The following VPS13C variants were observed in gnomAD, a reference collection of about 807,000 sequenced individuals.
The protein encoded by VPS13C is intermembrane lipid transfer protein VPS13C.
In VPS13C, 358 loss-of-function variants were observed where a neutral mutation model predicts 456.8. The observed-to-expected ratio is 0.78, with a 90% CI of 0.72 to 0.86. The LOEUF is 0.86. VPS13C is among the 40% of genes least tolerant of loss of function. The pLI is 0.00. For missense variants in VPS13C, 4,818 were observed against 4,385.4 expected (o/e 1.10, Z -2.79); for synonymous variants, 1,578 against 1,486.7 (o/e 1.06, Z -1.41).
chr15:62,016,379 G>A (rs936916942), intron 9 of VPS13C, among the ~76,000 whole-genome samples: 13 of 151,498 alleles, frequency 8.6e-5, no homozygotes, highest in East Asian at 1.9e-4. Context: ...CCATTAACTC[G>A]TCATTTACAT....
Position 61,907,210 on chromosome 15 carries a change from TA to T in VPS13C, c.9105+53del, listed in dbSNP as rs1196720036. 3 of 1,609,100 alleles carry T rather than the reference TA, an allele frequency of 1.9e-6. No individual in the cohort carries two copies. In the South Asian group the frequency reaches 3.3e-5, roughly 18 times the overall value. On this transcript the variant is annotated intron_variant, in intron 66 of 84. Transcript: ENST00000644861. ...AAGGAGTCAGTGAAGATAGCTTCTCTACTTCCTTCACTGTCAGGTAACTCAT... is the reference window on the plus strand; with the variant it reads ...AAGGAGTCAGTGAAGATAGCTTCTCTCTTCCTTCACTGTCAGGTAACTCAT...
At chr15:62,049,653 C>T (rs1032929887) in intron 1 of VPS13C, among the ~76,000 whole-genome samples, 10 of 152,170 alleles carry the variant, frequency 6.6e-5, no homozygotes, top group African/African-American at 1.9e-4. Flanking sequence ...TCATTGGTAG[C>T]TTGATGGGGA....
chr15:61,948,512 T>A (rs1011407523), intron 42 of VPS13C, among the ~76,000 whole-genome samples: 1 of 151,838 alleles, frequency 6.6e-6, no homozygotes, highest in Non-Finnish European at 1.5e-5. Flanking sequence ...TGAAACCCCA[T>A]CTCTACTAAA....
At chr15:61,919,951 G>T in intron 57 of VPS13C, 116 bp downstream of exon 57, 1 of 1,037,174 alleles carries the variant, frequency 9.6e-7, no homozygotes, top group African/African-American at 1.6e-5. Flanking sequence ...GCAATTATAT[G>T]TTTCAAATGT....
intron 9 of VPS13C, among the ~76,000 whole-genome samples, chr15:62,014,338 G>A (rs960452819): frequency 3.9e-5 from 6 of 152,050 alleles, no homozygotes; most frequent in African/African-American, 1.2e-4. Context: ...TAATTGTTTT[G>A]TAATAGGAAG....
At chr15:61,997,478 C>A (rs987645737) in intron 16 of VPS13C, among the ~76,000 whole-genome samples, 1 of 152,160 alleles carries the variant, frequency 6.6e-6, no homozygotes, top group Non-Finnish European at 1.5e-5. Flanking sequence ...CTGAACTCCA[C>A]ATAATTGCCT....
rs149492169 is a variant in VPS13C, at chr15:61,950,180, T to C, written c.4596+178A>G. ...CAATCTTTTCAGAACATAAATCAAC[T>C]TTTTGTAAGAACTTTATTCCAATTC... On this transcript the variant is annotated intron_variant, in intron 41 of 84. Transcript: ENST00000644861. 6.0e-3 allele frequency among the ~76,000 whole-genome samples: 913 copies of C among 152,320 alleles called. 4 individuals are homozygous for C. Among genetic ancestry groups the C allele is most frequent in the Non-Finnish European group, 9.3e-3 (630 of 68,012 alleles).
intron 45 of VPS13C, among the ~76,000 whole-genome samples, chr15:61,943,585 C>T (rs750560471): frequency 1.3e-5 from 2 of 151,990 alleles, no homozygotes; most frequent in Admixed American, 6.6e-5. Flanking sequence ...AATGAAACAA[C>T]GTTTTATTCT....
chr15:62,033,338 A>T, intron 5 of VPS13C, 103 bp downstream of exon 5: 2 of 639,702 alleles, frequency 3.1e-6, no homozygotes, highest in Non-Finnish European at 4.7e-6. Context: ...TTATGTCTTT[A>T]GAACTTCAAC....
chr15:62,018,605 G>A (rs2047343307), intron 9 of VPS13C, among the ~76,000 whole-genome samples: 1 of 151,758 alleles, frequency 6.6e-6, no homozygotes, highest in Non-Finnish European at 1.5e-5. Context: ...ATTTGCGTAT[G>A]TTGAACCAGC....
Position 61,921,946 on chromosome 15 carries a change from C to A in VPS13C, c.7062+1G>T. On this transcript the variant is annotated splice_donor_variant, in intron 55 of 84. Transcript: ENST00000644861. LOFTEE classifies it high-confidence loss of function. ...CCAAAGATATTTTAAGATTTCCTTA[C>A]ATCAAGCCTTAAATTCCATTGTCTC... 1 of 1,612,286 alleles carries A rather than the reference C, an allele frequency of 6.2e-7. No individual in the cohort carries two copies. Among genetic ancestry groups the A allele is most frequent in the Non-Finnish European group, 8.5e-7 (1 of 1,178,660 alleles).
At chr15:61,981,290 A>G in intron 22 of VPS13C, 52 bp downstream of exon 22, 1 of 1,524,208 alleles carries the variant, frequency 6.6e-7, no homozygotes, top group Non-Finnish European at 8.8e-7. Flanking sequence ...TTGGAGAGTT[A>G]GCTAGCAAGC....
chr15:61,970,529 C>T (rs953231096), intron 27 of VPS13C, among the ~76,000 whole-genome samples: 1 of 152,130 alleles, frequency 6.6e-6, no homozygotes, highest in African/African-American at 2.4e-5. Flanking sequence ...AGTGCGGTGG[C>T]TCATGCCTGT....
Position 61,880,888 on chromosome 15 carries a change from A to C in VPS13C, c.9843T>G (p.Ile3281Met). 6.2e-7 allele frequency: 1 copy of C among 1,610,880 alleles called. No individual in the cohort carries two copies. Among genetic ancestry groups the C allele is most frequent in the Non-Finnish European group, 8.5e-7 (1 of 1,178,644 alleles). ...KIDQGFLGAI[I>M]ALFTPTTDPE... ...GGTCTGTTGTTGGGGTAAACAGTGC[A>C]ATAATAGCTCCTAGAAACCCTTGAT... Residue 3281 changes from isoleucine to methionine, a missense_variant, in exon 72 of 85, where the codon ATT (isoleucine) becomes ATG (methionine). By Grantham distance (10) the Ile-to-Met change is conservative (BLOSUM62 1). This residue lies in a region of VPS13C where 4,552 missense variants were observed against 4,130.6 expected (regional missense o/e 1.10). Transcript: ENST00000644861.
rs763514914 is a variant in VPS13C at position 61,927,135 on chromosome 15, C to T, written c.6472G>A (p.Ala2158Thr). Residue 2158 changes from alanine to threonine, a missense_variant, in exon 52 of 85, where the codon GCT becomes ACT. Physicochemically the swap from Ala to Thr is moderately conservative, Grantham distance 58. Around this residue, in one of 3 missense-constraint regions of VPS13C, gnomAD observed 4,552 missense variants for 4,130.6 expected, o/e 1.10. Coordinates refer to ENST00000644861, the MANE Select transcript of VPS13C (RefSeq NM_020821.3). ...CTCTTTTCTCTGAGAAAAGGGCAAGCGAGCACTTTCAGATCTCTCACAGAA... is the reference window on the plus strand; with the variant it reads ...CTCTTTTCTCTGAGAAAAGGGCAAGTGAGCACTTTCAGATCTCTCACAGAA... ...EASVRDLKVL[A>T]CPFLREKRGK... 1.5e-5 allele frequency: 24 copies of T among 1,614,050 alleles called. No homozygotes were observed. The highest frequency in any genetic ancestry group is 4.0e-5 in the African/African-American group (3 of 74,930).
chr15:61,927,285 T>C lies in VPS13C; in HGVS notation c.6322A>G (p.Met2108Val). 2 of 1,614,180 alleles carry C rather than the reference T, an allele frequency of 1.2e-6. No homozygotes were observed. Among genetic ancestry groups the C allele is most frequent in the South Asian group, 1.1e-5 (1 of 91,082 alleles). Residue 2108 changes from methionine (M) to valine (V), a missense_variant, in exon 52 of 85, where the codon ATG becomes GTG. Transcript: ENST00000644861. ...AATACCACTTCTGGATCTGTGATCATGGCCTTTAAAGTCATATTTGGTCTA... is the reference window on the plus strand; with the variant it reads ...AATACCACTTCTGGATCTGTGATCACGGCCTTTAAAGTCATATTTGGTCTA... Reference protein sequence around the residue: ...SVRPNMTLKAMITDPEVVFVA... With the variant: ...SVRPNMTLKAVITDPEVVFVA...
At chr15:62,045,878 A>G (rs770344776) in intron 1 of VPS13C, among the ~76,000 whole-genome samples, 1 of 152,134 alleles carries the variant, frequency 6.6e-6, no homozygotes, top group Non-Finnish European at 1.5e-5. Context: ...ACATGGGAAA[A>G]TGTTCACAGA....
At position 61,881,747 on chromosome 15, in the gene VPS13C, C is replaced by T; in HGVS notation, c.9706G>A (p.Glu3236Lys). 1 of 1,608,064 alleles carries T rather than the reference C, an allele frequency of 6.2e-7. No individual in the cohort carries two copies. ...APPKSIALDSEPKPFIDVSVI... is the reference protein window; with the variant it reads ...APPKSIALDSKPKPFIDVSVI... ...TATGTCACAACTTATTTTATTTTAC[C>T]TGAATCTAAAGCAATAGATTTTGGA... is the stretch of plus-strand genomic sequence containing the variant. Residue 3236 changes from glutamate to lysine, a missense_variant and splice_region_variant, in exon 70 of 85, where the codon GAG becomes AAG. This residue lies in a region of VPS13C where 4,552 missense variants were observed against 4,130.6 expected (regional missense o/e 1.10). Transcript: ENST00000644861.
At chr15:61,920,718 C>A (rs1473903942) in intron 55 of VPS13C, 71 bp from the exon 56 acceptor site, 2 of 1,417,976 alleles carry the variant, frequency 1.4e-6, no homozygotes, top group South Asian at 1.5e-5. Context: ...TGCTGGAGTT[C>A]AGTTCTCCTA....
Sources: gnomAD v4.1 joint callset for allele counts (sites outside exome capture counted in the v4.1 genomes callset) on GRCh38, gnomAD v4.1.1 for gene constraint, gnomAD v4.1.1 regional missense constraint, MANE v1.5 for transcripts, NCBI Gene and HGNC (gene_info 2026-07-23, HGNC 2026-07-21) for gene names.